TMEM254: variants seen among roughly 807,000 people sequenced by gnomAD.
TMEM254 encodes the protein transmembrane protein 254.
In TMEM254, 16 loss-of-function variants were observed where a neutral mutation model predicts 13.9. That is an observed-to-expected ratio of 1.15 (90% confidence interval 0.78 to 1.75). The LOEUF (loss-of-function observed/expected upper bound fraction) is 1.75. Ranked by LOEUF, TMEM254 falls within the 40% of genes most tolerant of loss-of-function variation. The probability of loss-of-function intolerance (pLI) is 0.00; values close to 1 mark genes in which losing one functional copy is unlikely to be tolerated. For synonymous variants in TMEM254, 61 were observed against 56.4 expected, an observed-to-expected ratio of 1.08 and a Z score of -0.36; for missense variants, 155 against 149.0, an observed-to-expected ratio of 1.04 and a Z score of -0.21.
At chr10:80,082,615 T>A (rs1282020391) in intron 3 of TMEM254, among the ~76,000 whole-genome samples, 1 of 152,080 alleles carries the variant, frequency 6.6e-6, no homozygotes, top group African/African-American at 2.4e-5. Context: ...ACACGTCTGG[T>A]TTCCAGACCC....
Position 80,090,563 on chromosome 10 carries a change from C to G in TMEM254, c.252-234C>G, listed in dbSNP as rs991593285. 29 of 641,128 alleles carry G rather than the reference C, an allele frequency of 4.5e-5. No individual in the cohort carries two copies. In the Admixed American group the frequency reaches 6.2e-4, roughly 14 times the overall value. The allele number at this position is 641,128 out of a possible 1,614,324, so 39.7% of individuals were successfully genotyped here. ...CAGTCTTATAATACTGTGCCCTAGA[C>G]AGTAGCCAGACTAGTTCTCAGGGAA... On this transcript the variant is annotated intron_variant, in intron 3 of 3. Transcript: ENST00000372281.
chr10:80,078,835 C>T (rs763707216), intron 1 of TMEM254, 49 bp downstream of exon 1: 42 of 1,555,244 alleles, frequency 2.7e-5, no homozygotes, highest in Non-Finnish European at 3.0e-5. Context: ...AGCGAGCGCT[C>T]GGTTCACCCC....
intron 3 of TMEM254, among the ~76,000 whole-genome samples, chr10:80,087,488 C>CA (rs34380847): frequency 0.45 from 61,045 of 135,958 alleles, 13,127 homozygotes; most frequent in East Asian, 0.7. Context: ...ACTAAAAATA[C>CA]AAAAAAAAAA....
At chr10:80,082,253 T>C in intron 3 of TMEM254, 49 bp downstream of exon 3, 3 of 1,596,122 alleles carry the variant, frequency 1.9e-6, no homozygotes, top group Non-Finnish European at 2.6e-6. Context: ...GTAGCTAATA[T>C]AAATTGAGAG....
intron 3 of TMEM254, chr10:80,086,366 C>T (rs1844314146): frequency 3.1e-6 from 2 of 643,032 alleles, no homozygotes; most frequent in African/African-American, 3.8e-5. Context: ...CACTGCTGTT[C>T]AGTGAGCCTG....
chr10:80,087,728 A>G (rs1302109336), intron 3 of TMEM254, among the ~76,000 whole-genome samples: 5 of 152,182 alleles, frequency 3.3e-5, no homozygotes, highest in African/African-American at 1.2e-4. Flanking sequence ...GAACTAATTT[A>G]TTCTTCTAAC....
chr10:80,079,203 C>T (rs538720129), intron 1 of TMEM254: 114 of 346,022 alleles, frequency 3.3e-4, no homozygotes, highest in Non-Finnish European at 5.6e-4. Flanking sequence ...TGGGGTGGGG[C>T]GGGGCGGGCC....
chr10:80,086,980 T>A (rs1183330462), intron 3 of TMEM254, among the ~76,000 whole-genome samples: 2 of 152,164 alleles, frequency 1.3e-5, no homozygotes, highest in African/African-American at 4.8e-5. Context: ...TTTATTTTGT[T>A]TTTTAAGAGA....
At chr10:80,087,527 C>G (rs1181638800) in intron 3 of TMEM254, among the ~76,000 whole-genome samples, 4 of 151,606 alleles carry the variant, frequency 2.6e-5, no homozygotes, top group African/African-American at 9.7e-5. Context: ...GTAGCGGGCA[C>G]CTGTAATCCC....
In TMEM254 at chr10:80,088,850, G is replaced by A. The variant is rs538854592; in HGVS notation, c.252-1947G>A. 1.7e-4 allele frequency among the ~76,000 whole-genome samples: 26 copies of A among 151,684 alleles called. No individual in the cohort carries two copies. The South Asian group carries it at 3.6e-3, about 21-fold the overall frequency. ...TGGGCTCAAGCGATCCACCTGCGTC[G>A]GTCTCCCAAAGTGCTGGAATTACAG... On this transcript the variant is annotated intron_variant, in intron 3 of 3. Coordinates refer to ENST00000372281, the MANE Select transcript of TMEM254 (RefSeq NM_025125.4).
intron 3 of TMEM254, among the ~76,000 whole-genome samples, chr10:80,084,093 T>A (rs534396026): frequency 7.3e-5 from 11 of 151,454 alleles, no homozygotes; most frequent in African/African-American, 1.9e-4. Flanking sequence ...TCAAAAAAAA[T>A]AAAAGTTAAA....
At chr10:80,086,790 G>A (rs149797111) in intron 3 of TMEM254, among the ~76,000 whole-genome samples, 15,330 of 148,806 alleles carry the variant, frequency 0.1, 948 homozygotes, top group South Asian at 0.21. Flanking sequence ...GCAGTGAGCC[G>A]AGATCGCACG....
At chr10:80,083,198 C>G (rs1367760056) in intron 3 of TMEM254, among the ~76,000 whole-genome samples, 1 of 149,864 alleles carries the variant, frequency 6.7e-6, no homozygotes, top group Non-Finnish European at 1.5e-5. Flanking sequence ...TCTCTACGTC[C>G]TGGGTTAAAA....
At chr10:80,081,434 A>G (rs1363626599) in intron 1 of TMEM254, among the ~76,000 whole-genome samples, 3 of 152,136 alleles carry the variant, frequency 2.0e-5, no homozygotes, top group Admixed American at 6.5e-5. Context: ...TGGGAGGCCA[A>G]GATTGGAGAA....
chr10:80,081,313 A>C (rs529358540), intron 1 of TMEM254, among the ~76,000 whole-genome samples: 1 of 152,102 alleles, frequency 6.6e-6, no homozygotes, highest in Non-Finnish European at 1.5e-5. Flanking sequence ...CACCGTGGGC[A>C]CTGAGTCTGA....
intron 2 of TMEM254, 46 bp downstream of exon 2, chr10:80,081,990 C>A: frequency 6.3e-7 from 1 of 1,595,856 alleles, no homozygotes; most frequent in South Asian, 1.1e-5. Context: ...GAGCTCTGGT[C>A]TCATGGGAAA....
At chr10:80,085,064 C>T (rs1844243838) in intron 3 of TMEM254, among the ~76,000 whole-genome samples, 1 of 152,058 alleles carries the variant, frequency 6.6e-6, no homozygotes, top group Admixed American at 6.6e-5. Flanking sequence ...TCGTAATCCG[C>T]CCACCTCGGT....
At chr10:80,078,982 G>A in intron 1 of TMEM254, 196 bp downstream of exon 1, 1 of 1,539,330 alleles carries the variant, frequency 6.5e-7, no homozygotes. Context: ...GTCTTGGGCG[G>A]GCGCCCAGGG....
chr10:80,079,194 G>A (rs1391965305), intron 1 of TMEM254: 1 of 1,292,776 alleles, frequency 7.7e-7, no homozygotes, highest in South Asian at 1.2e-5. Flanking sequence ...GGTGAGGCGT[G>A]GGGTGGGGCG....
Sources: allele counts gnomAD v4.1 joint callset (sites outside exome capture counted in the v4.1 genomes callset), GRCh38; gene constraint gnomAD v4.1.1; transcripts MANE v1.5; gene names NCBI Gene and HGNC (gene_info 2026-07-23, HGNC 2026-07-21).